ARHGEF28: variants seen among roughly 807,000 people sequenced by gnomAD.
The protein encoded by ARHGEF28 is 190 kDa guanine nucleotide exchange factor.
A neutral mutation model predicts 206.6 loss-of-function variants in ARHGEF28; 152 were observed. The observed-to-expected ratio is 0.74, with a 90% confidence interval of 0.64 to 0.84. The LOEUF is 0.84. Ranked by LOEUF, ARHGEF28 falls within the 40% of genes least tolerant of loss-of-function variation. ARHGEF28 has a pLI of 0.00. For synonymous variants in ARHGEF28, 763 were observed against 776.4 expected (o/e 0.98, Z 0.29); for missense variants, 2,028 against 2,073.2 (o/e 0.98, Z 0.42).
At position 73,868,127 on chromosome 5, in the gene ARHGEF28, G is replaced by A. The variant is rs1463749616; in HGVS notation, c.2325G>A (p.Glu775=). ...ESFRRSATSL[E]SESDHNSCRS... is the part of the protein sequence containing the mutation. Reference sequence around the variant, plus strand: ...TCAGGAGGTCAGCCACATCCTTGGAGTCTGAGAGTGACCATAACAGCTGCA... The same window carrying A: ...TCAGGAGGTCAGCCACATCCTTGGAATCTGAGAGTGACCATAACAGCTGCA... Residue 775 remains glutamate, a synonymous_variant, in exon 20 of 36, where the codon GAG becomes GAA. Transcript: ENST00000513042. 1.9e-6 allele frequency: 3 copies of A among 1,611,240 alleles called. No individual in the cohort carries two copies. Among genetic ancestry groups the A allele is most frequent in the South Asian group, 1.1e-5 (1 of 90,378 alleles).
intron 22 of ARHGEF28, among the ~76,000 whole-genome samples, chr5:73,876,632 G>A (rs78444149): frequency 0.034 from 4,824 of 141,230 alleles, 47 homozygotes; most frequent in Non-Finnish European, 0.048. Flanking sequence ...TAGCATGAAG[G>A]GTTGTTGAAT....
chr5:73,698,105 A>T (rs1009264880), intron 2 of ARHGEF28, among the ~76,000 whole-genome samples: 1 of 152,190 alleles, frequency 6.6e-6, no homozygotes. Flanking sequence ...ACAAATCTTA[A>T]AAAGCTGGCA....
chr5:73,807,733 G>T (rs993290711), intron 9 of ARHGEF28, among the ~76,000 whole-genome samples: 2 of 151,832 alleles, frequency 1.3e-5, no homozygotes, highest in Non-Finnish European at 2.9e-5. Context: ...CAATCCACCC[G>T]CCTCAGCCTT....
intron 14 of ARHGEF28, among the ~76,000 whole-genome samples, chr5:73,854,786 C>A (rs543250872): frequency 2.6e-5 from 4 of 151,776 alleles, no homozygotes; most frequent in African/African-American, 9.7e-5. Context: ...GAGCCGAGAT[C>A]GTGCCACAGC....
At chr5:73,866,887 T>C (rs1361472031) in intron 18 of ARHGEF28, among the ~76,000 whole-genome samples, 2 of 152,174 alleles carry the variant, frequency 1.3e-5, no homozygotes, top group Non-Finnish European at 2.9e-5. Flanking sequence ...TGTAACAAAG[T>C]GTGACTGATA....
At chr5:73,677,457 G>A (rs1178522876) in intron 1 of ARHGEF28, among the ~76,000 whole-genome samples, 2 of 152,172 alleles carry the variant, frequency 1.3e-5, no homozygotes, top group East Asian at 3.8e-4. Flanking sequence ...AAAGTGATAG[G>A]TTTTATAGTC....
intron 18 of ARHGEF28, 141 bp from the exon 19 acceptor site, chr5:73,867,735 C>A: frequency 8.9e-7 from 1 of 1,121,630 alleles, no homozygotes; most frequent in Non-Finnish European, 1.3e-6. Context: ...CAGGATCTAG[C>A]AGGGAGACTG....
intron 2 of ARHGEF28, among the ~76,000 whole-genome samples, chr5:73,699,185 G>A (rs533418847): frequency 6.6e-6 from 1 of 151,944 alleles, no homozygotes; most frequent in East Asian, 1.9e-4. Flanking sequence ...GTGTGTGTAT[G>A]TGTGTTTGTG....
chr5:73,736,302 G>T (rs1350647636), intron 2 of ARHGEF28, among the ~76,000 whole-genome samples: 1 of 152,152 alleles, frequency 6.6e-6, no homozygotes, highest in Non-Finnish European at 1.5e-5. Context: ...TGCTGTGGGG[G>T]ACGCAGCACT....
rs1333603545 is a variant in ARHGEF28, at chr5:73,911,478, T to G, written c.4851T>G (p.Ser1617=). Residue 1617 remains serine (S), a synonymous_variant, in exon 35 of 36, where the codon TCT becomes TCG. Coordinates refer to ENST00000513042, the MANE Select transcript of ARHGEF28 (RefSeq NM_001177693.2). ...EHQVDLKVDP[S]QPSNVSHKLW... is the part of the protein sequence containing the mutation. Reference sequence around the variant, plus strand: ...AAGTAGACCTCAAGGTGGACCCTTCTCAGCCTTCGAATGTCAGTCACAAAC... The same window carrying G: ...AAGTAGACCTCAAGGTGGACCCTTCGCAGCCTTCGAATGTCAGTCACAAAC... The G allele has an allele frequency of 1.9e-6, 3 of 1,613,998 alleles. No individual in the cohort carries two copies. The highest frequency in any genetic ancestry group is 1.7e-5 in the Admixed American group (1 of 60,022).
rs374689798 is a variant in ARHGEF28, at chr5:73,918,063, T to A, written c.4948+6488T>A. ...GAATCTGGGGACTGTCTTCTCCCCATCCAGCTATGCAGATTTTGTTTTTAA... is the reference window on the plus strand; with the variant it reads ...GAATCTGGGGACTGTCTTCTCCCCAACCAGCTATGCAGATTTTGTTTTTAA... On this transcript the variant is annotated intron_variant, in intron 35 of 35. Coordinates refer to ENST00000513042, the MANE Select transcript of ARHGEF28 (RefSeq NM_001177693.2). 1.2e-3 allele frequency among the ~76,000 whole-genome samples: 179 copies of A among 152,314 alleles called. 1 individual carries two copies. The highest frequency in any genetic ancestry group is 4.1e-3 in the African/African-American group (172 of 41,574).
intron 1 of ARHGEF28, among the ~76,000 whole-genome samples, chr5:73,665,848 A>G (rs560111076): frequency 3.9e-5 from 6 of 152,302 alleles, no homozygotes; most frequent in African/African-American, 9.6e-5. Flanking sequence ...CATTCAAACC[A>G]TAGCATTCTG....
intron 2 of ARHGEF28, among the ~76,000 whole-genome samples, chr5:73,730,597 G>A (rs1453483859): frequency 3.5e-5 from 5 of 143,006 alleles, no homozygotes; most frequent in South Asian, 4.4e-4. Context: ...GCAGTAGCAC[G>A]ATCACAGCTC....
chr5:73,867,127 A>T (rs1389230287), intron 18 of ARHGEF28, among the ~76,000 whole-genome samples: 6 of 152,194 alleles, frequency 3.9e-5, no homozygotes, highest in Non-Finnish European at 5.9e-5. Flanking sequence ...AATACCACAT[A>T]TTACTCCTCT....
At chr5:73,833,615 TGAG>T (rs1276074299) in intron 10 of ARHGEF28, among the ~76,000 whole-genome samples, 2 of 152,150 alleles carry the variant, frequency 1.3e-5, no homozygotes, top group African/African-American at 4.8e-5. Flanking sequence ...GTGGGAGTTC[TGAG>T]GAGATTTTCA....
Position 73,852,705 on chromosome 5 carries a change from A to C in ARHGEF28, c.1790+13A>C, listed in dbSNP as rs115093697. The C allele has an allele frequency of 1.2e-6, 2 of 1,612,968 alleles. No homozygotes were observed. Among genetic ancestry groups the C allele is most frequent in the Non-Finnish European group, 1.7e-6 (2 of 1,179,128 alleles). Reference sequence around the variant, plus strand: ...CAAGAGAAAACAGGTACTTTTAACTATTCCAATTTTCCTGAGGAACTGCAT... The same window carrying C: ...CAAGAGAAAACAGGTACTTTTAACTCTTCCAATTTTCCTGAGGAACTGCAT... On this transcript the variant is annotated intron_variant, in intron 14 of 35. Transcript: ENST00000513042.
chr5:73,705,033 T>C (rs1353192180), intron 2 of ARHGEF28, among the ~76,000 whole-genome samples: 1 of 152,230 alleles, frequency 6.6e-6, no homozygotes, highest in Non-Finnish European at 1.5e-5. Context: ...AACACTTTCA[T>C]GTGCATGTTG....
At chr5:73,730,734 C>T (rs192220094) in intron 2 of ARHGEF28, among the ~76,000 whole-genome samples, 2 of 151,716 alleles carry the variant, frequency 1.3e-5, no homozygotes, top group African/African-American at 4.8e-5. Flanking sequence ...CAAGGTTTTG[C>T]CATGTTGCAC....
chr5:73,666,509 C>T (rs994258373), intron 1 of ARHGEF28, among the ~76,000 whole-genome samples: 4 of 152,310 alleles, frequency 2.6e-5, no homozygotes, highest in Non-Finnish European at 4.4e-5. Context: ...GGCTGTCCCA[C>T]GTGTCCTTTG....
Sources: gnomAD v4.1 joint callset for allele counts (sites outside exome capture counted in the v4.1 genomes callset) on GRCh38, gnomAD v4.1.1 for gene constraint, MANE v1.5 for transcripts, NCBI Gene and HGNC (gene_info 2026-07-23, HGNC 2026-07-21) for gene names.